Variants in GOLGB1 observed in about 807,000 individuals in gnomAD.
GOLGB1 encodes the protein golgin B1.
GOLGB1 carries 174 observed loss-of-function variants against 336.9 expected under a neutral mutation model. The observed-to-expected ratio is 0.52, with a 90% confidence interval of 0.46 to 0.59. GOLGB1 has a LOEUF of 0.59. Among genes scored for constraint, GOLGB1 ranks in the 20% least tolerant of loss-of-function variants. The pLI, the probability that GOLGB1 is intolerant of heterozygous loss-of-function variation, is 0.00. For synonymous variants in GOLGB1, 1,208 were observed against 1,289.2 expected, an observed-to-expected ratio of 0.94 and a Z score of 1.35; for missense variants, 3,331 against 3,645.3, an observed-to-expected ratio of 0.91 and a Z score of 2.22.
intron 10 of GOLGB1, among the ~76,000 whole-genome samples, chr3:121,711,797 CA>C (rs1183169421): frequency 6.6e-6 from 1 of 152,066 alleles, no homozygotes; most frequent in Non-Finnish European, 1.5e-5. Flanking sequence ...ATGAAAACTA[CA>C]AAACACTGCT....
At chr3:121,693,655 A>G (rs1942671187) in intron 13 of GOLGB1, 86 bp downstream of exon 13, 7 of 1,007,954 alleles carry the variant, frequency 6.9e-6, no homozygotes. Context: ...AATTAGTCCC[A>G]TTGTCTAAAA....
rs367867176 is a variant in GOLGB1 at position 121,719,736 on chromosome 3, T to C, written c.681A>G (p.Lys227=). The part of the protein sequence containing the change: ...LSSMQQVVRE[K]DARFETQVRL... Reference sequence around the variant, plus strand: ...GAACTTGTGTTTCAAAGCGGGCATCTTTCTCTCGGACCACCTGCTGCATGG... The same window carrying C: ...GAACTTGTGTTTCAAAGCGGGCATCCTTCTCTCGGACCACCTGCTGCATGG... Residue 227 remains lysine, a synonymous_variant, in exon 7 of 22, where the codon AAA becomes AAG. Transcript: ENST00000614479. 3 of 1,608,274 alleles carry C rather than the reference T, an allele frequency of 1.9e-6. No individual in the cohort carries two copies. The African/African-American group carries it at 4.0e-5, about 22-fold the overall frequency.
intron 20 of GOLGB1, 59 bp from the exon 21 acceptor site, chr3:121,665,090 C>T (rs1419616656): frequency 1.1e-6 from 1 of 873,664 alleles, no homozygotes; most frequent in Non-Finnish European, 1.9e-6. Flanking sequence ...GCTGATCAGG[C>T]CCAGTCTTCC....
At position 121,696,435 on chromosome 3, in the gene GOLGB1, G is replaced by A. The variant is rs1363890259; in HGVS notation, c.4088C>T (p.Thr1363Ile). The change falls in exon 13 of 22, where the codon ACA becomes ATA. Residue 1363 changes from threonine to isoleucine, a missense_variant. Coordinates refer to ENST00000614479, the MANE Select transcript of GOLGB1 (RefSeq NM_001366282.2). Reference protein sequence around the residue: ...KQGLEIESLKTVSHEAEVHAE... With the variant: ...KQGLEIESLKIVSHEAEVHAE... ...ATGGACTTCAGCTTCATGGGATACTGTCTTTAGACTCTCGATTTCTAAACC... is the reference window on the plus strand; with the variant it reads ...ATGGACTTCAGCTTCATGGGATACTATCTTTAGACTCTCGATTTCTAAACC... The A allele has an allele frequency of 1.9e-6, 3 of 1,613,974 alleles. No individual in the cohort carries two copies. Among genetic ancestry groups the A allele is most frequent in the Non-Finnish European group, 2.5e-6 (3 of 1,180,002 alleles).
Position 121,694,199 on chromosome 3 carries a change from CT to C in GOLGB1, c.6323del (p.Lys2108ArgfsTer14). 2 of 1,612,574 alleles carry C rather than the reference CT, an allele frequency of 1.2e-6. No homozygotes were observed. The highest frequency in any genetic ancestry group is 8.5e-7 in the Non-Finnish European group (1 of 1,179,958). On this transcript the variant is annotated frameshift_variant, in exon 13 of 22. Transcript: ENST00000614479. LOFTEE classifies it high-confidence loss of function. ...CTGATTCTTTATTTGACTGAAGTTC[CT>C]TTTTCAACTTGAGATTGTCTGCTAG... ...RVLADNLKLK[K>X]ELQSNKESVK...
chr3:121,737,105 A>G (rs1946525804), intron 1 of GOLGB1, among the ~76,000 whole-genome samples: 1 of 152,230 alleles, frequency 6.6e-6, no homozygotes, highest in Admixed American at 6.5e-5. Flanking sequence ...TGTGTATACA[A>G]TAACTGTCTG....
Position 121,694,779 on chromosome 3 carries a change from T to C in GOLGB1, c.5744A>G (p.Lys1915Arg). 6.2e-7 allele frequency: 1 copy of C among 1,613,104 alleles called. No individual in the cohort carries two copies. Among genetic ancestry groups the C allele is most frequent in the Non-Finnish European group, 8.5e-7 (1 of 1,179,706 alleles). ...QIQEELSRVT[K>R]LKETAEEEKD... ...CTCTTCTTCTGCTGTCTCCTTTAGT[T>C]TGGTAACTCTGGAGAGTTCTTCTTG... Residue 1915 changes from lysine to arginine, a missense_variant, in exon 13 of 22, where the codon AAA becomes AGA. Physicochemically the swap from Lys to Arg is conservative, Grantham distance 26. Transcript: ENST00000614479.
At chr3:121,683,066 T>C (rs1182563661) in intron 14 of GOLGB1, among the ~76,000 whole-genome samples, 2 of 130,362 alleles carry the variant, frequency 1.5e-5, no homozygotes, top group Non-Finnish European at 3.3e-5. Flanking sequence ...TTTTTTTTTT[T>C]TTTTTTTTTT....
intron 6 of GOLGB1, 83 bp from the exon 7 acceptor site, chr3:121,719,851 C>A: frequency 8.1e-7 from 1 of 1,235,116 alleles, no homozygotes; most frequent in Non-Finnish European, 1.1e-6. Context: ...CTTTCCAAGA[C>A]AGACACTGAG....
At position 121,664,414 on chromosome 3, in the gene GOLGB1, T is replaced by C; in HGVS notation, c.*66A>G. The C allele has an allele frequency of 3.0e-6, 4 of 1,329,034 alleles. No individual in the cohort carries two copies. The South Asian group carries it at 3.5e-5, about 12-fold the overall frequency. 82.3% of individuals were successfully genotyped at this position (1,329,034 alleles called of 1,614,324 possible). ...GAAGACTGTTCCACTGGAATTGATG[T>C]TCTGATGTTAGAGGTGAGAGAATTC... On this transcript the variant is annotated 3_prime_UTR_variant, in exon 22 of 22. Transcript: ENST00000614479.
chr3:121,727,091 T>C (rs1576444896), intron 4 of GOLGB1, 50 bp from the exon 5 acceptor site: 3 of 1,051,598 alleles, frequency 2.9e-6, no homozygotes, highest in Admixed American at 6.0e-5. Context: ...ACAATTAATA[T>C]ATATTTGATA....
At position 121,695,706 on chromosome 3, in the gene GOLGB1, C is replaced by T; in HGVS notation, c.4817G>A (p.Ser1606Asn). The T allele has an allele frequency of 1.2e-6, 2 of 1,611,636 alleles. No individual in the cohort carries two copies. The highest frequency in any genetic ancestry group is 4.5e-5 in the East Asian group (2 of 44,870). ...CTTGTGTTTCTCTTGCCACTCAGTA[C>T]TTTCTGCAATCTTAGAAGATTTCAA... ...ESLKSSKIAESTEWQEKHKEL... is the reference protein window; with the variant it reads ...ESLKSSKIAENTEWQEKHKEL... The change falls in exon 13 of 22, where the codon AGT becomes AAT. Residue 1606 changes from serine (S) to asparagine (N), a missense_variant. Transcript: ENST00000614479.
At chr3:121,737,148 G>A (rs1163439052) in intron 1 of GOLGB1, among the ~76,000 whole-genome samples, 1 of 152,082 alleles carries the variant, frequency 6.6e-6, no homozygotes, top group East Asian at 1.9e-4. Flanking sequence ...TAAATCTAAG[G>A]TTATTCCAAA....
rs751100277 is a variant in GOLGB1 at position 121,694,966 on chromosome 3, T to G, written c.5557A>C (p.Arg1853=). 2.5e-6 allele frequency: 4 copies of G among 1,614,190 alleles called. 1 individual carries two copies. The South Asian group carries it at 4.4e-5, about 18-fold the overall frequency. The change falls in exon 13 of 22, where the codon AGA becomes CGA. Residue 1853 remains arginine (R), a synonymous_variant. Coordinates refer to ENST00000614479, the MANE Select transcript of GOLGB1 (RefSeq NM_001366282.2). ...TTCTCCTCCTCTAATCCAGCAATTC[T>G]TTCTTTGAGCTGATCAATCTGCTGT... ...YLQQIDQLKE[R]IAGLEEEKQK... is the part of the protein sequence containing the mutation.
intron 1 of GOLGB1, among the ~76,000 whole-genome samples, chr3:121,743,381 G>A (rs184353160): frequency 9.9e-4 from 150 of 152,256 alleles, no homozygotes; most frequent in African/African-American, 3.0e-3. Context: ...ATCAAACACC[G>A]CATGTTCTCA....
chr3:121,728,079 TGAG>T (rs1257636229), intron 4 of GOLGB1, among the ~76,000 whole-genome samples: 1 of 151,882 alleles, frequency 6.6e-6, no homozygotes, highest in Non-Finnish European at 1.5e-5. Flanking sequence ...CAAAGCAATA[TGAG>T]GAGAGAGGTT....
intron 4 of GOLGB1, among the ~76,000 whole-genome samples, chr3:121,727,320 A>ATATATATATT (rs1365310516): frequency 9.1e-4 from 26 of 28,628 alleles, no homozygotes; most frequent in Admixed American, 1.4e-3. Context: ...ATATATATAT[A>ATATATATATT]TTTTTTTTTT....
At chr3:121,734,392 G>GAAAAAAAAAAAAA (rs34906801) in intron 1 of GOLGB1, among the ~76,000 whole-genome samples, 1 of 107,230 alleles carries the variant, frequency 9.3e-6, no homozygotes, top group Non-Finnish European at 1.8e-5. Context: ...TCTGTCTCGG[G>GAAAAAAAAAAAAA]AAAAAAAAAA....
chr3:121,705,675 G>A (rs1247825509), intron 10 of GOLGB1, among the ~76,000 whole-genome samples: 1 of 152,190 alleles, frequency 6.6e-6, no homozygotes, highest in African/African-American at 2.4e-5. Flanking sequence ...AGAAAACCCT[G>A]CAGATCTGCA....
Sources: gnomAD v4.1 joint callset for allele counts (sites outside exome capture counted in the v4.1 genomes callset) on GRCh38, gnomAD v4.1.1 for gene constraint, MANE v1.5 for transcripts, NCBI Gene and HGNC (gene_info 2026-07-23, HGNC 2026-07-21) for gene names.